The following SMYD3 variants were observed in gnomAD, a reference collection of about 807,000 sequenced individuals.
SMYD3 encodes the protein histone-lysine N-methyltransferase SMYD3.
Under a neutral mutation model 57.7 loss-of-function variants are expected in SMYD3, and 36 were observed. The ratio of observed to expected loss-of-function variants is 0.62; its 90% CI spans 0.48 to 0.82. The LOEUF is 0.82. Among genes scored for constraint, SMYD3 ranks in the 40% least tolerant of loss-of-function variants. The pLI, the probability that SMYD3 is intolerant of heterozygous loss-of-function variation, is 0.00. For synonymous variants in SMYD3, 211 were observed against 195.0 expected (o/e 1.08, Z -0.68); for missense variants, 515 against 538.8 (o/e 0.96, Z 0.44).
At chr1:246,132,801 C>A (rs1389900036) in intron 5 of SMYD3, among the ~76,000 whole-genome samples, 4 of 151,950 alleles carry the variant, frequency 2.6e-5, no homozygotes, top group African/African-American at 9.7e-5. Flanking sequence ...AGGAAAAACC[C>A]AATTTTTAAA....
intron 10 of SMYD3, among the ~76,000 whole-genome samples, chr1:245,807,747 G>C (rs2048258895): frequency 6.7e-6 from 1 of 148,376 alleles, no homozygotes; most frequent in Non-Finnish European, 1.5e-5. Flanking sequence ...GATCAAAGCT[G>C]AATTATTAAA....
intron 5 of SMYD3, among the ~76,000 whole-genome samples, chr1:245,984,980 T>C (rs527548701): frequency 5.9e-4 from 90 of 152,194 alleles, no homozygotes; most frequent in African/African-American, 2.1e-3. Flanking sequence ...CCACATGAAC[T>C]TAACAGTTTC....
chr1:245,950,274 C>G (rs1163860473), intron 5 of SMYD3, among the ~76,000 whole-genome samples: 1 of 152,158 alleles, frequency 6.6e-6, no homozygotes. Context: ...TACCGACCCC[C>G]ACACTGCCCC....
rs976781332 is a variant in SMYD3 at position 245,749,674 on chromosome 1, A to C, written c.1186-10T>G. 1 of 1,610,552 alleles carries C rather than the reference A, an allele frequency of 6.2e-7. No homozygotes were observed. The highest frequency in any genetic ancestry group is 1.7e-5 in the Admixed American group (1 of 60,020). On this transcript the variant is annotated splice_polypyrimidine_tract_variant and intron_variant, in intron 11 of 11. Transcript: ENST00000490107. ...TCATAATATCAAAAGCCTAAAGAGA[A>C]AGGACGGAAGAGAGATTAGACCCCA... is the stretch of plus-strand genomic sequence containing the variant.
At chr1:246,331,391 C>T (rs1351290677) in intron 3 of SMYD3, among the ~76,000 whole-genome samples, 5 of 152,186 alleles carry the variant, frequency 3.3e-5, no homozygotes, top group Non-Finnish European at 4.4e-5. Flanking sequence ...ATGACATGCT[C>T]GCCCTGTGCA....
At chr1:246,002,308 C>A (rs1016925801) in intron 5 of SMYD3, among the ~76,000 whole-genome samples, 7 of 94,464 alleles carry the variant, frequency 7.4e-5, no homozygotes, top group Non-Finnish European at 1.8e-4. Flanking sequence ...CCTCAGCCTC[C>A]CGAGTAGCTG....
intron 2 of SMYD3, among the ~76,000 whole-genome samples, chr1:246,343,226 T>C (rs1186227995): frequency 6.6e-6 from 1 of 152,252 alleles, no homozygotes; most frequent in Non-Finnish European, 1.5e-5. Flanking sequence ...AAATAAATCA[T>C]GCACTTCCAC....
chr1:245,950,861 A>G (rs2057608012), intron 5 of SMYD3, among the ~76,000 whole-genome samples: 1 of 152,104 alleles, frequency 6.6e-6, no homozygotes, highest in Non-Finnish European at 1.5e-5. Flanking sequence ...TTTCTTTTTC[A>G]CCTATCACAC....
intron 5 of SMYD3, among the ~76,000 whole-genome samples, chr1:246,177,754 T>C (rs945536493): frequency 6.6e-6 from 1 of 152,172 alleles, no homozygotes; most frequent in Non-Finnish European, 1.5e-5. Flanking sequence ...CATAGAGCTA[T>C]GAGGACAGAG....
chr1:246,474,751 C>T (rs907884553), intron 1 of SMYD3, among the ~76,000 whole-genome samples: 5 of 152,194 alleles, frequency 3.3e-5, no homozygotes, highest in East Asian at 1.9e-4. Flanking sequence ...AGACAGAGGG[C>T]GTGGTATTGT....
At chr1:246,309,945 G>T (rs1040791787) in intron 5 of SMYD3, among the ~76,000 whole-genome samples, 2 of 152,144 alleles carry the variant, frequency 1.3e-5, no homozygotes, top group Non-Finnish European at 2.9e-5. Context: ...AGGAAATCTA[G>T]GTTTTTAAGA....
chr1:246,262,732 T>C (rs1427127176), intron 5 of SMYD3, among the ~76,000 whole-genome samples: 1 of 152,184 alleles, frequency 6.6e-6, no homozygotes, highest in African/African-American at 2.4e-5. Flanking sequence ...AATTATTTGG[T>C]TAATTTACTT....
intron 5 of SMYD3, among the ~76,000 whole-genome samples, chr1:246,065,109 C>CA (rs1376947518): frequency 6.6e-6 from 1 of 152,174 alleles, no homozygotes; most frequent in African/African-American, 2.4e-5. Flanking sequence ...AACACTGTCC[C>CA]ATTGTTTAGA....
At chr1:246,409,343 A>G (rs2066922502) in intron 1 of SMYD3, among the ~76,000 whole-genome samples, 1 of 151,930 alleles carries the variant, frequency 6.6e-6, no homozygotes, top group South Asian at 2.1e-4. Context: ...ATCTTGAATT[A>G]ATTTTTGTAT....
At chr1:246,450,416 C>T (rs1292473703) in intron 1 of SMYD3, among the ~76,000 whole-genome samples, 2 of 152,208 alleles carry the variant, frequency 1.3e-5, no homozygotes, top group Admixed American at 6.5e-5. Context: ...TGATCACCTC[C>T]GTTGTTCTTC....
intron 5 of SMYD3, among the ~76,000 whole-genome samples, chr1:246,051,117 T>G (rs933443828): frequency 1.3e-5 from 2 of 148,882 alleles, no homozygotes; most frequent in Non-Finnish European, 3.0e-5. Flanking sequence ...TATTAACTTC[T>G]TTTTTTTTCT....
intron 5 of SMYD3, among the ~76,000 whole-genome samples, chr1:246,274,203 A>G (rs560988057): frequency 6.6e-6 from 1 of 152,308 alleles, no homozygotes; most frequent in East Asian, 1.9e-4. Context: ...TATGTGTCCT[A>G]GAAGTCATTA....
intron 5 of SMYD3, among the ~76,000 whole-genome samples, chr1:245,957,690 T>C (rs1205298848): frequency 6.6e-6 from 1 of 152,208 alleles, no homozygotes; most frequent in Non-Finnish European, 1.5e-5. Context: ...CAGTACTGTT[T>C]CCTCCATATA....
intron 2 of SMYD3, among the ~76,000 whole-genome samples, chr1:246,347,665 G>A (rs1280893722): frequency 1.3e-5 from 2 of 152,136 alleles, no homozygotes; most frequent in Non-Finnish European, 2.9e-5. Flanking sequence ...GTCCTCATGG[G>A]CAGGATTAAT....
Sources: gnomAD v4.1 joint callset for allele counts (sites outside exome capture counted in the v4.1 genomes callset) on GRCh38, gnomAD v4.1.1 for gene constraint, MANE v1.5 for transcripts, NCBI Gene and HGNC (gene_info 2026-07-23, HGNC 2026-07-21) for gene names.